The following ATP13A4 variants were observed in gnomAD, a reference collection of about 807,000 sequenced individuals.
ATP13A4 encodes ATPase 13A4, also known as probable cation-transporting ATPase 13A4.
A neutral mutation model predicts 142.5 loss-of-function variants in ATP13A4; 114 were observed. That is an observed-to-expected ratio of 0.80 (90% CI 0.69 to 0.93). The LOEUF (loss-of-function observed/expected upper bound fraction) is 0.93. Among genes scored for constraint, ATP13A4 ranks in the 40% least tolerant of loss-of-function variants. ATP13A4 has a pLI of 0.00. For missense variants in ATP13A4, 1,392 were observed against 1,454.0 expected (o/e 0.96, Z 0.69); for synonymous variants, 488 against 514.8 (o/e 0.95, Z 0.70).
At chr3:193,417,022 C>T (rs1291804081) in intron 25 of ATP13A4, 1 of 152,136 alleles carries the variant, frequency 6.6e-6, no homozygotes, top group African/African-American at 2.4e-5. Flanking sequence ...AGATTAGCAG[C>T]CAATTTCTCA....
At chr3:193,483,441 A>C (rs1246206454) in intron 8 of ATP13A4, among the ~76,000 whole-genome samples, 1 of 152,110 alleles carries the variant, frequency 6.6e-6, no homozygotes, top group Non-Finnish European at 1.5e-5. Context: ...CACCCCAATA[A>C]AGTAGTTTTT....
At chr3:193,519,787 G>A (rs983555959) in intron 1 of ATP13A4, among the ~76,000 whole-genome samples, 1 of 151,674 alleles carries the variant, frequency 6.6e-6, no homozygotes, top group Non-Finnish European at 1.5e-5. Context: ...TGGGATTACA[G>A]GCGCCCGTCA....
chr3:193,496,726 G>A (rs1301666204), intron 3 of ATP13A4, among the ~76,000 whole-genome samples: 1 of 152,092 alleles, frequency 6.6e-6, no homozygotes, highest in Admixed American at 6.6e-5. Context: ...GGGAGGCCGA[G>A]GTTGCAGTAA....
chr3:193,451,645 G>T (rs1390434507), intron 17 of ATP13A4, among the ~76,000 whole-genome samples: 1 of 152,170 alleles, frequency 6.6e-6, no homozygotes, highest in African/African-American at 2.4e-5. Flanking sequence ...AGAATGATAA[G>T]TGTAATATAT....
chr3:193,440,298 C>T, intron 21 of ATP13A4: 1 of 493,084 alleles, frequency 2.0e-6, no homozygotes, highest in South Asian at 2.1e-5. Flanking sequence ...CAGTGGTTCT[C>T]AGCATTGAAT....
At chr3:193,404,242 A>G (rs972594435) in intron 29 of ATP13A4, 5 of 723,122 alleles carry the variant, frequency 6.9e-6, no homozygotes, top group Non-Finnish European at 8.5e-6. Context: ...AAACCTTAAA[A>G]CAAAATAGAT....
chr3:193,452,457 A>G (rs1433305500), intron 17 of ATP13A4, among the ~76,000 whole-genome samples: 1 of 152,090 alleles, frequency 6.6e-6, no homozygotes, highest in Non-Finnish European at 1.5e-5. Flanking sequence ...AACAAACACA[A>G]TGAGCCACTT....
rs578187118 is a variant in ATP13A4, at chr3:193,495,801, A to G, written c.382-2641T>C. Among the ~76,000 whole-genome samples the G allele has an allele frequency of 3.3e-4, 50 of 152,252 alleles. No homozygotes were observed. The South Asian group carries it at 8.9e-3, about 27-fold the overall frequency. ...GAACTTAAATTGCCCCTTTTTGCAGATTACATGATATCATATATAGAACGT... is the reference window on the plus strand; with the variant it reads ...GAACTTAAATTGCCCCTTTTTGCAGGTTACATGATATCATATATAGAACGT... On this transcript the variant is annotated intron_variant, in intron 3 of 29. Transcript: ENST00000342695.
intron 9 of ATP13A4, among the ~76,000 whole-genome samples, chr3:193,470,118 C>T (rs1367123550): frequency 1.3e-5 from 2 of 152,218 alleles, no homozygotes; most frequent in African/African-American, 4.8e-5. Context: ...CGTTCACAGC[C>T]TCTCATTTTA....
At chr3:193,507,870 G>GA (rs952324932) in intron 2 of ATP13A4, among the ~76,000 whole-genome samples, 2 of 152,026 alleles carry the variant, frequency 1.3e-5, no homozygotes, top group African/African-American at 4.8e-5. Flanking sequence ...CCGGTTAACA[G>GA]AAAAAAAATG....
At chr3:193,446,200 A>G (rs1012640754) in intron 18 of ATP13A4, among the ~76,000 whole-genome samples, 13 of 152,150 alleles carry the variant, frequency 8.5e-5, no homozygotes, top group African/African-American at 3.1e-4. Flanking sequence ...TAAATAAGAC[A>G]ACTACAAGAA....
At chr3:193,536,697 G>A (rs1340457966) in intron 1 of ATP13A4, among the ~76,000 whole-genome samples, 1 of 151,974 alleles carries the variant, frequency 6.6e-6, no homozygotes, top group Non-Finnish European at 1.5e-5. Context: ...GTTTACATAT[G>A]TCATTTCTCT....
intron 25 of ATP13A4, among the ~76,000 whole-genome samples, chr3:193,427,769 CACCTT>C (rs1715745625): frequency 1.3e-5 from 2 of 152,116 alleles, no homozygotes; most frequent in South Asian, 4.1e-4. Flanking sequence ...CCCTTCCTTA[CACCTT>C]ATACAAAAAT....
intron 2 of ATP13A4, among the ~76,000 whole-genome samples, chr3:193,564,160 C>A (rs938112512): frequency 6.6e-6 from 1 of 152,244 alleles, no homozygotes; most frequent in Non-Finnish European, 1.5e-5. Flanking sequence ...AGAGGCCTTG[C>A]CACCCTGGTC....
At chr3:193,569,490 G>A (rs2108740448) in intron 2 of ATP13A4, among the ~76,000 whole-genome samples, 1 of 151,800 alleles carries the variant, frequency 6.6e-6, no homozygotes, top group Middle Eastern at 3.4e-3. Context: ...TAGCAACATA[G>A]CAGTATTGGG....
chr3:193,412,591 A>G (rs2108603828), intron 26 of ATP13A4, among the ~76,000 whole-genome samples: 1 of 151,848 alleles, frequency 6.6e-6, no homozygotes, highest in South Asian at 2.1e-4. Context: ...GCACAGATAG[A>G]CCCGTATTTT....
intron 1 of ATP13A4, among the ~76,000 whole-genome samples, chr3:193,527,767 T>C (rs999219985): frequency 1.3e-5 from 2 of 152,098 alleles, no homozygotes; most frequent in Admixed American, 1.3e-4. Flanking sequence ...CCTCTTTTCT[T>C]TTATAAATTA....
At chr3:193,481,596 G>A (rs1719297083) in intron 8 of ATP13A4, among the ~76,000 whole-genome samples, 1 of 152,164 alleles carries the variant, frequency 6.6e-6, no homozygotes, top group Non-Finnish European at 1.5e-5. Flanking sequence ...AGTGTGTGCA[G>A]ATGTGAATTT....
chr3:193,517,793 A>AT (rs1437441226), intron 1 of ATP13A4, among the ~76,000 whole-genome samples: 1 of 152,170 alleles, frequency 6.6e-6, no homozygotes, highest in Non-Finnish European at 1.5e-5. Flanking sequence ...TTTTAAATGA[A>AT]TGCATTTCAA....
Sources: gnomAD v4.1 joint callset for allele counts (sites outside exome capture counted in the v4.1 genomes callset) on GRCh38, gnomAD v4.1.1 for gene constraint, MANE v1.5 for transcripts, NCBI Gene and HGNC (gene_info 2026-07-23, HGNC 2026-07-21) for gene names.